The following SLC2A9 variants were observed in gnomAD, a reference collection of about 807,000 sequenced individuals.
SLC2A9 encodes solute carrier family 2, facilitated glucose transporter member 9.
SLC2A9 carries 39 observed loss-of-function variants against 50.6 expected under a neutral mutation model. The observed-to-expected ratio is 0.77, with a 90% CI of 0.60 to 1.01. The LOEUF is 1.01. Among genes scored for constraint, SLC2A9 ranks in the 50% least tolerant of loss-of-function variants. The probability of loss-of-function intolerance (pLI) is 0.00; values close to 1 mark genes in which losing one functional copy is unlikely to be tolerated. For missense variants in SLC2A9, 686 were observed against 677.6 expected (o/e 1.01, Z -0.14); for synonymous variants, 324 against 276.9 (o/e 1.17, Z -1.69).
At chr4:10,010,389 CTG>C (rs1345693096) in intron 2 of SLC2A9, among the ~76,000 whole-genome samples, 2 of 152,158 alleles carry the variant, frequency 1.3e-5, no homozygotes, top group Non-Finnish European at 2.9e-5. Flanking sequence ...TTCCTGAGTT[CTG>C]TGAGTCATTT....
chr4:9,889,163 G>A (rs1362317910), intron 9 of SLC2A9, among the ~76,000 whole-genome samples: 1 of 152,178 alleles, frequency 6.6e-6, no homozygotes, highest in Non-Finnish European at 1.5e-5. Flanking sequence ...GGAAGCAAGG[G>A]GAGGCTTCCT....
chr4:9,983,527 C>T (rs568640421), intron 4 of SLC2A9, among the ~76,000 whole-genome samples: 10 of 152,212 alleles, frequency 6.6e-5, no homozygotes, highest in South Asian at 6.2e-4. Context: ...ACTGACAGCC[C>T]GTGAGACCAG....
At chr4:9,831,119 G>A (rs369619173) in intron 11 of SLC2A9, among the ~76,000 whole-genome samples, 1 of 152,076 alleles carries the variant, frequency 6.6e-6, no homozygotes, top group African/African-American at 2.4e-5. Context: ...CTGTTTGGGG[G>A]CTGGAATACA....
rs146939504 is a variant in SLC2A9, at chr4:9,771,351, C to T, written n.200G>A. 5.0e-4 allele frequency: 196 copies of T among 394,170 alleles called. 2 individuals are homozygous for T. The East Asian group carries it at 6.7e-3, about 13-fold the overall frequency. 24.4% of individuals were successfully genotyped at this position (394,170 alleles called of 1,614,324 possible). A position where few individuals can be genotyped will look rare whatever the true frequency, so the allele number is the denominator to read the frequency against. On this transcript the variant is annotated non_coding_transcript_exon_variant, in exon 2 of 2. Transcript: ENST00000508585. ...AGGCACATTCATTTCTGCAGGTCTG[C>T]CTTCTTGACATGAGGTCACTGCAGA...
intron 3 of SLC2A9, chr4:9,781,825 C>A (rs1451226625): frequency 1.3e-5 from 6 of 444,638 alleles, no homozygotes; most frequent in African/African-American, 1.0e-4. Context: ...GGGCGCACCA[C>A]GGCCATGGAG....
At chr4:9,844,910 C>A (rs1323062602) in intron 10 of SLC2A9, among the ~76,000 whole-genome samples, 1 of 152,208 alleles carries the variant, frequency 6.6e-6, no homozygotes, top group Non-Finnish European at 1.5e-5. Context: ...TTCTGTAAAG[C>A]CAGCTTTGTT....
At chr4:9,937,518 C>T (rs554432471) in intron 6 of SLC2A9, among the ~76,000 whole-genome samples, 4 of 152,256 alleles carry the variant, frequency 2.6e-5, no homozygotes, top group South Asian at 2.1e-4. Flanking sequence ...GGGAGGAGGG[C>T]GCTGGTCTTC....
intron 3 of SLC2A9, among the ~76,000 whole-genome samples, chr4:9,784,952 T>C (rs1719028219): frequency 6.6e-6 from 1 of 152,222 alleles, no homozygotes; most frequent in African/African-American, 2.4e-5. Context: ...TTAATAAATA[T>C]TTGTTGAATG....
intron 2 of SLC2A9, among the ~76,000 whole-genome samples, chr4:10,011,122 A>G (rs980404069): frequency 1.3e-5 from 2 of 152,250 alleles, no homozygotes; most frequent in Admixed American, 1.3e-4. Context: ...TTTGGACTGA[A>G]GTCTGGGCTC....
At chr4:9,942,272 A>C (rs2110276018) in intron 5 of SLC2A9, among the ~76,000 whole-genome samples, 1 of 152,340 alleles carries the variant, frequency 6.6e-6, no homozygotes, top group East Asian at 1.9e-4. Flanking sequence ...CCTGTGAGAT[A>C]GTGACCTGCA....
chr4:9,879,308 G>A (rs555715628), intron 10 of SLC2A9: 5 of 985,340 alleles, frequency 5.1e-6, no homozygotes, highest in East Asian at 1.1e-4. Flanking sequence ...AAGGGTGGTT[G>A]TTGCAAGAGG....
intron 3 of SLC2A9, among the ~76,000 whole-genome samples, chr4:9,803,424 CT>C (rs1721725159): frequency 6.6e-6 from 1 of 152,226 alleles, no homozygotes; most frequent in Non-Finnish European, 1.5e-5. Flanking sequence ...CACATCAATG[CT>C]TAACATAGGC....
chr4:9,852,622 A>G (rs1473289070), intron 10 of SLC2A9, among the ~76,000 whole-genome samples: 3 of 152,230 alleles, frequency 2.0e-5, no homozygotes. Flanking sequence ...TTCATAAACA[A>G]AGGAGAAATA....
At chr4:9,992,450 G>A (rs1757875240) in intron 3 of SLC2A9, among the ~76,000 whole-genome samples, 1 of 152,234 alleles carries the variant, frequency 6.6e-6, no homozygotes, top group African/African-American at 2.4e-5. Context: ...GCACCCTTGA[G>A]TTATGAAAAC....
At chr4:9,805,338 A>G (rs1025644496) in intron 3 of SLC2A9, among the ~76,000 whole-genome samples, 2 of 152,224 alleles carry the variant, frequency 1.3e-5, no homozygotes, top group African/African-American at 4.8e-5. Flanking sequence ...CTCAGACGCA[A>G]CACACATCAT....
chr4:9,924,965 T>C (rs922819049), intron 6 of SLC2A9, among the ~76,000 whole-genome samples: 4 of 152,150 alleles, frequency 2.6e-5, no homozygotes, highest in African/African-American at 4.8e-5. Context: ...AGGAAGATGA[T>C]TGGGCCACTC....
chr4:9,797,953 C>T (rs1445554965), downstream of SLC2A9, among the ~76,000 whole-genome samples: 1 of 152,194 alleles, frequency 6.6e-6, no homozygotes, highest in Non-Finnish European at 1.5e-5. Context: ...GAGTTCCAGC[C>T]CAGTGCTTGG....
At chr4:9,826,047 G>A (rs1725077524), downstream of SLC2A9, among the ~76,000 whole-genome samples, 1 of 152,090 alleles carries the variant, frequency 6.6e-6, no homozygotes, top group African/African-American at 2.4e-5. Context: ...CTTTGATAAA[G>A]CATTAACCTA....
chr4:9,961,418 T>C (rs1752250805), intron 5 of SLC2A9, among the ~76,000 whole-genome samples: 1 of 152,160 alleles, frequency 6.6e-6, no homozygotes, highest in African/African-American at 2.4e-5. Context: ...CCTACAACCA[T>C]CTGATCTTCA....
Sources: gnomAD v4.1 joint callset for allele counts (sites outside exome capture counted in the v4.1 genomes callset) on GRCh38, gnomAD v4.1.1 for gene constraint, MANE v1.5 for transcripts, NCBI Gene and HGNC (gene_info 2026-07-23, HGNC 2026-07-21) for gene names.